The following TAF3 variants were observed in gnomAD, a reference collection of about 807,000 sequenced individuals.
The protein encoded by TAF3 is TATA-box binding protein associated factor 3, also known as transcription initiation factor TFIID subunit 3.
Under a neutral mutation model 80.6 loss-of-function variants are expected in TAF3, and 7 were observed. That is an observed-to-expected ratio of 0.09 (90% confidence interval 0.05 to 0.16). The LOEUF is 0.16. Among genes scored for constraint, TAF3 ranks in the 10% least tolerant of loss-of-function variants. TAF3 has a pLI of 1.00. For synonymous variants in TAF3, 444 were observed against 446.1 expected (o/e 1.00, Z 0.06); for missense variants, 921 against 1,140.2 (o/e 0.81, Z 2.77).
At chr10:7,883,522 G>A (rs1837380512) in intron 2 of TAF3, among the ~76,000 whole-genome samples, 1 of 152,086 alleles carries the variant, frequency 6.6e-6, no homozygotes, top group African/African-American at 2.4e-5. Context: ...TAGCTATCTG[G>A]TGGAGAGATA....
intron 2 of TAF3, among the ~76,000 whole-genome samples, chr10:7,836,084 C>G (rs945693180): frequency 6.6e-6 from 1 of 152,120 alleles, no homozygotes; most frequent in African/African-American, 2.4e-5. Flanking sequence ...TTCCCTGGCT[C>G]TCCTACTGCT....
intron 6 of TAF3, 25 bp downstream of exon 6, chr10:8,013,862 G>C: frequency 6.3e-7 from 1 of 1,593,638 alleles, no homozygotes; most frequent in Non-Finnish European, 8.6e-7. Context: ...CGCCCTGCCG[G>C]CCACACTCAT....
At position 7,964,050 on chromosome 10, in the gene TAF3, A is replaced by C. The variant is rs1374571845; in HGVS notation, c.540A>C (p.Pro180=). ...ATGAGAATTTCCTGGGCAAGAGACCACTGGATAGTCCTGAAGCTGAAGAAC... is the reference window on the plus strand; with the variant it reads ...ATGAGAATTTCCTGGGCAAGAGACCCCTGGATAGTCCTGAAGCTGAAGAAC... ...INDENFLGKR[P]LDSPEAEELP... Residue 180 remains proline (P), a synonymous_variant, in exon 3 of 7, where the codon CCA becomes CCC. Coordinates refer to ENST00000344293, the MANE Select transcript of TAF3 (RefSeq NM_031923.4). The surrounding 1 kb of genome is among the most constrained non-coding windows in gnomAD (Gnocchi z 4.1). The C allele has an allele frequency of 1.5e-5, 24 of 1,614,154 alleles. No homozygotes were observed. In the East Asian group the frequency reaches 5.3e-4, roughly 36 times the overall value.
At position 7,888,695 on chromosome 10, in the gene TAF3, G is replaced by A. The variant is rs534888627; in HGVS notation, c.409+64135G>A. On this transcript the variant is annotated intron_variant, in intron 2 of 6. Coordinates refer to ENST00000344293, the MANE Select transcript of TAF3 (RefSeq NM_031923.4). ...GATGCTAGCCTAAAAGCTTTTGGTC[G>A]AATATACTATACTAATTATAATGCA... Among the ~76,000 whole-genome samples the A allele has an allele frequency of 1.3e-3, 200 of 152,252 alleles. 1 individual carries two copies. The highest frequency in any genetic ancestry group is 3.2e-3 in the African/African-American group (132 of 41,546).
In TAF3 at chr10:7,964,339, A is replaced by G. The variant is rs1360957722; in HGVS notation, c.829A>G (p.Ser277Gly). The change falls in exon 3 of 7, where the codon AGC becomes GGC. Residue 277 changes from serine to glycine, a missense_variant. Physicochemically the swap from Ser to Gly is moderately conservative, Grantham distance 56. This residue lies in a region of TAF3 where 743 missense variants were observed against 821.0 expected (regional missense o/e 0.90). Transcript: ENST00000344293. The surrounding 1 kb of genome is among the most constrained non-coding windows in gnomAD (Gnocchi z 4.1). ...TACACCTAAAACAAAGACTAAAACT[A>G]GCTCTCCAGGACAGAAGACTAAATC... ...SFTPKTKTKT[S>G]SPGQKTKSPK... The G allele has an allele frequency of 1.2e-6, 2 of 1,614,044 alleles. No individual in the cohort carries two copies. The highest frequency in any genetic ancestry group is 1.1e-5 in the South Asian group (1 of 91,082).
intron 2 of TAF3, among the ~76,000 whole-genome samples, chr10:7,885,270 A>ACACC (rs917485888): frequency 6.6e-6 from 1 of 151,770 alleles, no homozygotes; most frequent in Admixed American, 6.6e-5. Flanking sequence ...ACACACACAC[A>ACACC]CACCCCCACA....
At chr10:7,948,591 G>T (rs1437809217) in intron 2 of TAF3, among the ~76,000 whole-genome samples, 1 of 152,032 alleles carries the variant, frequency 6.6e-6, no homozygotes, top group Non-Finnish European at 1.5e-5. Flanking sequence ...GCATATGGAT[G>T]GTCTCCTAGT....
chr10:7,940,761 C>G lies in TAF3; in HGVS notation c.410-23159C>G, dbSNP rs529269571. ...TTTGAGCCCAGGAGTTTGAGACCAG[C>G]CTGAGCAACAGAGCAAGACCCTGTC... On this transcript the variant is annotated intron_variant, in intron 2 of 6. Transcript: ENST00000344293. Among the ~76,000 whole-genome samples the G allele has an allele frequency of 4.6e-5, 7 of 152,064 alleles. No individual in the cohort carries two copies. The East Asian group carries it at 1.4e-3, about 29-fold the overall frequency.
chr10:7,889,155 G>A (rs1486107573), intron 2 of TAF3, among the ~76,000 whole-genome samples: 2 of 152,178 alleles, frequency 1.3e-5, no homozygotes, highest in African/African-American at 4.8e-5. Context: ...CTGCAGACTT[G>A]CTTGCCTTCC....
At chr10:7,825,905 T>C (rs1225791601) in intron 2 of TAF3, among the ~76,000 whole-genome samples, 3 of 152,332 alleles carry the variant, frequency 2.0e-5, no homozygotes, top group Admixed American at 1.3e-4. Flanking sequence ...GTCTATTTAA[T>C]TTTTGAGGAA....
intron 2 of TAF3, among the ~76,000 whole-genome samples, chr10:7,917,748 G>A (rs557683400): frequency 2.6e-5 from 4 of 152,342 alleles, no homozygotes; most frequent in African/African-American, 9.6e-5. Context: ...GGGGTGCGAG[G>A]AGAAGAGAGG....
chr10:7,992,420 A>G (rs1831843782), intron 4 of TAF3, among the ~76,000 whole-genome samples: 1 of 152,248 alleles, frequency 6.6e-6, no homozygotes, highest in Non-Finnish European at 1.5e-5. Context: ...TCTCAGGAGC[A>G]TAAGTAAATA....
intron 2 of TAF3, among the ~76,000 whole-genome samples, chr10:7,886,566 G>A (rs1232015400): frequency 1.3e-5 from 2 of 152,206 alleles, no homozygotes; most frequent in African/African-American, 4.8e-5. Flanking sequence ...GAAGACCTGT[G>A]ATCTGAAATT....
chr10:8,005,586 A>G (rs1437778919), intron 4 of TAF3, among the ~76,000 whole-genome samples: 2 of 152,190 alleles, frequency 1.3e-5, no homozygotes, highest in Non-Finnish European at 2.9e-5. Context: ...TCATAACCAA[A>G]TATCAGACTT....
chr10:7,882,238 A>G (rs191344819), intron 2 of TAF3, among the ~76,000 whole-genome samples: 5 of 152,320 alleles, frequency 3.3e-5, no homozygotes, highest in Admixed American at 3.3e-4. Context: ...TCAAGCATCA[A>G]TCTTAGCATG....
At chr10:7,839,621 A>C (rs925080035) in intron 2 of TAF3, among the ~76,000 whole-genome samples, 1 of 152,222 alleles carries the variant, frequency 6.6e-6, no homozygotes, top group African/African-American at 2.4e-5. Context: ...GCACAGATAG[A>C]AGAACAAAGG....
At chr10:7,875,597 G>A (rs550743342) in intron 2 of TAF3, among the ~76,000 whole-genome samples, 4 of 152,304 alleles carry the variant, frequency 2.6e-5, no homozygotes, top group East Asian at 3.9e-4. Context: ...TGAAAGAGAA[G>A]TTGACTGCCT....
At chr10:7,866,257 A>G (rs138389975) in intron 2 of TAF3, among the ~76,000 whole-genome samples, 32 of 152,300 alleles carry the variant, frequency 2.1e-4, no homozygotes, top group African/African-American at 6.7e-4. Flanking sequence ...GGAGCAGTCA[A>G]TAAATAGGCA....
In TAF3 at chr10:7,923,661, A is replaced by G. The variant is rs1837787907; in HGVS notation, c.410-40259A>G. The stretch of plus-strand genomic sequence containing the variant: ...GTTTTCATCCTGTATTCAATAGAGT[A>G]GCGGATACCTGATGGCAAAACTTTT... On this transcript the variant is annotated intron_variant, in intron 2 of 6. Transcript: ENST00000344293. 2.0e-5 allele frequency among the ~76,000 whole-genome samples: 3 copies of G among 151,780 alleles called. 1 individual carries two copies. The South Asian group carries it at 6.2e-4, about 31-fold the overall frequency.
Sources: allele counts gnomAD v4.1 joint callset (sites outside exome capture counted in the v4.1 genomes callset), GRCh38; gene constraint gnomAD v4.1.1; regional missense constraint gnomAD v4.1.1; non-coding constraint Gnocchi (gnomAD v3.1); transcripts MANE v1.5; gene names NCBI Gene and HGNC (gene_info 2026-07-23, HGNC 2026-07-21).